The following GPI variants were observed in gnomAD, a reference collection of about 807,000 sequenced individuals.
GPI encodes the protein D-hexose-6-phosphate anomerase.
A neutral mutation model predicts 75.8 loss-of-function variants in GPI; 56 were observed. That is an observed-to-expected ratio of 0.74 (90% CI 0.60 to 0.92). The LOEUF (loss-of-function observed/expected upper bound fraction) is 0.92. Among genes scored for constraint, GPI ranks in the 40% least tolerant of loss-of-function variants. The pLI is 0.00. For missense variants in GPI, 638 were observed against 741.0 expected (o/e 0.86, Z 1.61); for synonymous variants, 288 against 285.4 (o/e 1.01, Z -0.09).
chr19:34,377,503 C>A lies in GPI; in HGVS notation c.403C>A (p.Arg135Ser), dbSNP rs200500416. The change falls in exon 5 of 18, where the codon CGT becomes AGT. Residue 135 changes from arginine (R) to serine (S), a missense_variant and splice_region_variant. Physicochemically the swap from Arg to Ser is moderately radical, Grantham distance 110 (BLOSUM62 -1). Coordinates refer to ENST00000356487, the MANE Select transcript of GPI (RefSeq NM_000175.5). Reference sequence around the variant, plus strand: ...GATGGCATCTTCGCCCCTGTGCCAGCGTGTCCGGAGCGGTGACTGGAAGGG... The same window carrying A: ...GATGGCATCTTCGCCCCTGTGCCAGAGTGTCCGGAGCGGTGACTGGAAGGG... ...VLDKMKSFCQ[R>S]VRSGDWKGYT... is the part of the protein sequence containing the mutation. The A allele has an allele frequency of 6.2e-7, 1 of 1,609,656 alleles. No individual in the cohort carries two copies. The highest frequency in any genetic ancestry group is 1.7e-4 in the Middle Eastern group (1 of 6,056).
chr19:34,365,094 TCGGGG>T, upstream of GPI: 1 of 1,352,210 alleles, frequency 7.4e-7, no homozygotes, highest in Non-Finnish European at 9.6e-7. Context: ...GGCCTGGGTA[TCGGGG>T]CGCGGGTCGG....
chr19:34,393,186 G>T lies in GPI; in HGVS notation c.805-62G>T. On this transcript the variant is annotated intron_variant, in intron 9 of 17. Transcript: ENST00000356487. The surrounding 1 kb of genome is among the most constrained non-coding windows in gnomAD (Gnocchi z 4.4). Reference sequence around the variant, plus strand: ...GTGCAAGACCAGGGACAGGGTTTCCGGCAGGAGGTGGGGGGCGGGGTGTGC... The same window carrying T: ...GTGCAAGACCAGGGACAGGGTTTCCTGCAGGAGGTGGGGGGCGGGGTGTGC... 1.5e-6 allele frequency: 2 copies of T among 1,314,202 alleles called. No homozygotes were observed. The highest frequency in any genetic ancestry group is 1.4e-5 in the African/African-American group (1 of 69,098). The allele number at this position is 1,314,202 out of a possible 1,614,324, so 81.4% of individuals were successfully genotyped here. A position where few individuals can be genotyped will look rare whatever the true frequency, so the allele number is the denominator to read the frequency against.
At position 34,393,595 on chromosome 19, in the gene GPI, C is replaced by A; in HGVS notation, c.866-133C>A. The A allele has an allele frequency of 1.1e-6, 1 of 872,132 alleles. No individual in the cohort carries two copies. The highest frequency in any genetic ancestry group is 1.9e-6 in the Non-Finnish European group (1 of 524,352). The allele number at this position is 872,132 out of a possible 1,614,324, so 54.0% of individuals were successfully genotyped here. A position where few individuals can be genotyped will look rare whatever the true frequency, so the allele number is the denominator to read the frequency against. ...CCACCTCTCACTGGAGGGGCTTTGT[C>A]TAGGTCCGAGTCCTCCCATGTCGTA... is the stretch of plus-strand genomic sequence containing the variant. On this transcript the variant is annotated intron_variant, in intron 10 of 17. Coordinates refer to ENST00000356487, the MANE Select transcript of GPI (RefSeq NM_000175.5). The surrounding 1 kb of genome is among the most constrained non-coding windows in gnomAD (Gnocchi z 4.4).
chr19:34,366,881 C>A, intron 3 of GPI, 30 bp downstream of exon 3: 1 of 1,473,810 alleles, frequency 6.8e-7, no homozygotes, highest in Non-Finnish European at 9.5e-7. Context: ...CCTCTGGGGC[C>A]TCCTTCCTTC....
chr19:34,372,184 G>C (rs1255029749), intron 4 of GPI, among the ~76,000 whole-genome samples: 1 of 152,102 alleles, frequency 6.6e-6, no homozygotes, highest in Non-Finnish European at 1.5e-5. Context: ...ACCCACCTTG[G>C]CCTCCCAGAG....
At position 34,368,733 on chromosome 19, in the gene GPI, G is replaced by T. The variant is rs780769766; in HGVS notation, c.402+31G>T. ...TGGCTACTGGGCCGGACTCACCCTT[G>T]GCCGTGTGTGTGAGTTATTTGGGAA... On this transcript the variant is annotated intron_variant, in intron 4 of 17. Transcript: ENST00000356487. 5.0e-6 allele frequency: 8 copies of T among 1,613,884 alleles called. No individual in the cohort carries two copies. In the East Asian group the frequency reaches 1.8e-4, roughly 36 times the overall value.
chr19:34,377,336 A>AATATATATATATATATATATAT (rs1243864461), intron 4 of GPI, among the ~76,000 whole-genome samples, 167 bp from the exon 5 acceptor site: 10 of 49,326 alleles, frequency 2.0e-4, no homozygotes, highest in African/African-American at 7.0e-4. Context: ...AAAAAAAAAA[A>AATATATATATATATATATATAT]ATATATATAT....
chr19:34,384,174 C>T (rs567382962), intron 9 of GPI, among the ~76,000 whole-genome samples: 29 of 152,086 alleles, frequency 1.9e-4, no homozygotes, highest in African/African-American at 6.3e-4. Flanking sequence ...TGTCCTTGGG[C>T]GATGTCTGAG....
At chr19:34,387,716 G>C (rs978313739) in intron 9 of GPI, among the ~76,000 whole-genome samples, 5 of 152,218 alleles carry the variant, frequency 3.3e-5, no homozygotes, top group African/African-American at 1.2e-4. Flanking sequence ...CATTAGCAGT[G>C]AGTCTGTGGA....
At chr19:34,372,094 C>A (rs148506432) in intron 4 of GPI, among the ~76,000 whole-genome samples, 128 of 151,880 alleles carry the variant, frequency 8.4e-4, no homozygotes, top group African/African-American at 3.0e-3. Context: ...CCACACCCAG[C>A]TAATTTTTGT....
chr19:34,393,618 G>A lies in GPI; in HGVS notation c.866-110G>A, dbSNP rs762791779. 7.9e-5 allele frequency: 85 copies of A among 1,069,462 alleles called. No homozygotes were observed. Among genetic ancestry groups the A allele is most frequent in the Non-Finnish European group, 1.0e-4 (70 of 689,992 alleles). 66.2% of individuals were successfully genotyped at this position (1,069,462 alleles called of 1,614,324 possible). A position where few individuals can be genotyped will look rare whatever the true frequency, so the allele number is the denominator to read the frequency against. ...GTCTAGGTCCGAGTCCTCCCATGTC[G>A]TATCTTCTGGCTCTCCATGCAGCCT... On this transcript the variant is annotated intron_variant, in intron 10 of 17. Coordinates refer to ENST00000356487, the MANE Select transcript of GPI (RefSeq NM_000175.5). The surrounding 1 kb of genome is among the most constrained non-coding windows in gnomAD (Gnocchi z 4.4).
At chr19:34,381,887 A>T (rs541832120) in intron 9 of GPI, among the ~76,000 whole-genome samples, 4 of 152,318 alleles carry the variant, frequency 2.6e-5, no homozygotes, top group Admixed American at 2.6e-4. Context: ...GGCCAAGGGC[A>T]GGGTGAGGCA....
chr19:34,385,001 A>C (rs932216074), intron 9 of GPI, among the ~76,000 whole-genome samples: 17 of 145,256 alleles, frequency 1.2e-4, no homozygotes, highest in Admixed American at 7.2e-4. Flanking sequence ...GTGCTACTGC[A>C]CTCCAGCCTG....
At chr19:34,364,831 C>A, upstream of GPI, 1 of 650,326 alleles carries the variant, frequency 1.5e-6, no homozygotes, top group Non-Finnish European at 2.5e-6. Context: ...CTGCCTGTAA[C>A]GTGGAAGGTG....
rs1201345155 is a variant in GPI at position 34,401,840 on chromosome 19, T to C, written c.*1804T>C. ...AAATTTTTTTCTTTTTTGAGAGTCTTGCTTTGTTGCCCAGGCTGGAGTGCA... is the reference window on the plus strand; with the variant it reads ...AAATTTTTTTCTTTTTTGAGAGTCTCGCTTTGTTGCCCAGGCTGGAGTGCA... On this transcript the variant is annotated 3_prime_UTR_variant, in exon 18 of 18. Coordinates refer to ENST00000356487, the MANE Select transcript of GPI (RefSeq NM_000175.5). The C allele has an allele frequency of 6.6e-6, 1 of 152,036 alleles. No individual in the cohort carries two copies. Among genetic ancestry groups the C allele is most frequent in the Non-Finnish European group, 1.5e-5 (1 of 68,020 alleles). The allele number at this position is 152,036 out of a possible 1,614,324, so 9.4% of individuals were successfully genotyped here. A position where few individuals can be genotyped will look rare whatever the true frequency, so the allele number is the denominator to read the frequency against.
In GPI at chr19:34,393,085, C is replaced by G; in HGVS notation, c.805-163C>G. The G allele has an allele frequency of 1.5e-6, 1 of 687,556 alleles. No homozygotes were observed. Among genetic ancestry groups the G allele is most frequent in the Non-Finnish European group, 2.7e-6 (1 of 376,012 alleles). The allele number at this position is 687,556 out of a possible 1,614,324, so 42.6% of individuals were successfully genotyped here. A position where few individuals can be genotyped will look rare whatever the true frequency, so the allele number is the denominator to read the frequency against. The stretch of plus-strand genomic sequence containing the variant: ...ATCTGTAGTCTGCCCTGTTGGTCTT[C>G]CCATGTGTTGCCAGCACCTGCCTGC... On this transcript the variant is annotated intron_variant, in intron 9 of 17. Coordinates refer to ENST00000356487, the MANE Select transcript of GPI (RefSeq NM_000175.5). The surrounding 1 kb of genome is among the most constrained non-coding windows in gnomAD (Gnocchi z 4.4).
At chr19:34,385,380 A>G (rs1231414869) in intron 9 of GPI, among the ~76,000 whole-genome samples, 1 of 152,024 alleles carries the variant, frequency 6.6e-6, no homozygotes, top group African/African-American at 2.4e-5. Flanking sequence ...AAAAAAAGAA[A>G]AAAGATGGGT....
At chr19:34,392,472 GGTTT>G (rs1229992735) in intron 9 of GPI, 1 of 40,752 alleles carries the variant, frequency 2.5e-5, no homozygotes, top group Non-Finnish European at 4.5e-5. Context: ...TGAGGATCTG[GGTTT>G]GTCAGTATTT....
chr19:34,393,519 C>A lies in GPI; in HGVS notation c.866-209C>A. 1.4e-6 allele frequency: 1 copy of A among 706,088 alleles called. No individual in the cohort carries two copies. The allele number at this position is 706,088 out of a possible 1,614,324, so 43.7% of individuals were successfully genotyped here. A position where few individuals can be genotyped will look rare whatever the true frequency, so the allele number is the denominator to read the frequency against. On this transcript the variant is annotated intron_variant, in intron 10 of 17. Coordinates refer to ENST00000356487, the MANE Select transcript of GPI (RefSeq NM_000175.5). This position sits in a 1 kb window ranked among gnomAD's most constrained non-coding sequence, Gnocchi z 4.4. The stretch of plus-strand genomic sequence containing the variant: ...CCCCCGTCTTTGCCCCTCACAACTG[C>A]AGTCCTGTTTCTCTCCTATCCTAGG...
Sources: allele counts gnomAD v4.1 joint callset (sites outside exome capture counted in the v4.1 genomes callset), GRCh38; gene constraint gnomAD v4.1.1; non-coding constraint Gnocchi (gnomAD v3.1); transcripts MANE v1.5; gene names NCBI Gene and HGNC (gene_info 2026-07-23, HGNC 2026-07-21).